The following RIGI variants were observed in gnomAD, a reference collection of about 807,000 sequenced individuals.
The protein encoded by RIGI is RNA sensor RIG-I, also known as antiviral innate immune response receptor RIG-I.
chr9:32,515,888 T>C, the RIGI span, among the ~76,000 whole-genome samples: 6 of 151,864 alleles, frequency 4.0e-5, 1 homozygote, highest in African/African-American at 1.5e-4. Context: ...CCCACATATG[T>C]GGCACTCTTT....
At chr9:32,461,406 G>A in the RIGI span, among the ~76,000 whole-genome samples, 25 of 152,278 alleles carry the variant, frequency 1.6e-4, no homozygotes, top group African/African-American at 4.1e-4. Flanking sequence ...GATTCTGTCC[G>A]TCCCACTGGT....
At chr9:32,511,209 T>C in the RIGI span, among the ~76,000 whole-genome samples, 3 of 152,132 alleles carry the variant, frequency 2.0e-5, no homozygotes, top group Non-Finnish European at 4.4e-5. Flanking sequence ...TATTCAGGAC[T>C]TGAACTCAGC....
chr9:32,519,858 G>A, the RIGI span, among the ~76,000 whole-genome samples: 1 of 151,908 alleles, frequency 6.6e-6, no homozygotes, highest in East Asian at 1.9e-4. Flanking sequence ...ATCACTGATG[G>A]GCCTTCACAT....
the RIGI span, chr9:32,466,573 G>T: frequency 3.7e-6 from 3 of 805,894 alleles, no homozygotes; most frequent in Non-Finnish European, 3.8e-6. Flanking sequence ...CAGGAAAGTT[G>T]AGCTGTTAAA....
chr9:32,509,014 G>T, the RIGI span, among the ~76,000 whole-genome samples: 1 of 152,132 alleles, frequency 6.6e-6, no homozygotes, highest in African/African-American at 2.4e-5. Context: ...CCCTACTGCA[G>T]CTTGGCAAAG....
At chr9:32,526,045 C>T in the RIGI span, 1 of 1,594,694 alleles carries the variant, frequency 6.3e-7, no homozygotes, top group Non-Finnish European at 8.6e-7. Flanking sequence ...GAGAAGGCGC[C>T]GCTGGAGACA....
chr9:32,504,688 CAT>C, the RIGI span, among the ~76,000 whole-genome samples: 62 of 125,910 alleles, frequency 4.9e-4, no homozygotes, highest in East Asian at 4.4e-3. Flanking sequence ...GTCTCAAAAA[CAT>C]ATATATATAT....
chr9:32,493,117 C>G, the RIGI span, among the ~76,000 whole-genome samples: 1 of 152,194 alleles, frequency 6.6e-6, no homozygotes, highest in Non-Finnish European at 1.5e-5. Flanking sequence ...TGCCCAAGAT[C>G]ATACCGCTAG....
chr9:32,485,029 G>C, the RIGI span: 1 of 561,932 alleles, frequency 1.8e-6, no homozygotes, highest in Non-Finnish European at 3.1e-6. Context: ...GACATATAAG[G>C]CTCCTAAATA....
At chr9:32,464,009 C>G in the RIGI span, among the ~76,000 whole-genome samples, 1 of 151,322 alleles carries the variant, frequency 6.6e-6, no homozygotes, top group Non-Finnish European at 1.5e-5. Context: ...TCTGGGCTGT[C>G]TACATGTTAA....
chr9:32,512,518 GC>G, the RIGI span, among the ~76,000 whole-genome samples: 1 of 152,058 alleles, frequency 6.6e-6, no homozygotes, highest in Admixed American at 6.6e-5. Context: ...AAATTCAACA[GC>G]CCTTCATGCT....
the RIGI span, among the ~76,000 whole-genome samples, chr9:32,516,777 G>C: frequency 6.6e-6 from 1 of 152,310 alleles, no homozygotes; most frequent in African/African-American, 2.4e-5. Context: ...GGCCAAGTTA[G>C]TGTCTTTTTT....
the RIGI span, among the ~76,000 whole-genome samples, chr9:32,472,376 T>C: frequency 6.6e-6 from 1 of 152,158 alleles, no homozygotes; most frequent in Non-Finnish European, 1.5e-5. Flanking sequence ...CCTGGAGTGG[T>C]TTTTGGCATT....
the RIGI span, chr9:32,457,223 C>T: frequency 6.2e-7 from 1 of 1,613,984 alleles, no homozygotes; most frequent in African/African-American, 1.3e-5. Context: ...TCCTCCACCA[C>T]AAAACTTTCA....
chr9:32,523,888 T>G, the RIGI span, among the ~76,000 whole-genome samples: 2 of 151,818 alleles, frequency 1.3e-5, no homozygotes, highest in Non-Finnish European at 2.9e-5. Context: ...CTCTCTGAAC[T>G]CCTGCCTCTC....
chr9:32,489,489 T>C, the RIGI span: 1 of 1,363,908 alleles, frequency 7.3e-7, no homozygotes, highest in Non-Finnish European at 1.0e-6. Flanking sequence ...AAACAGTTCC[T>C]GCTCTGAGGA....
chr9:32,488,117 G>A, the RIGI span: 1 of 1,614,132 alleles, frequency 6.2e-7, no homozygotes, highest in Non-Finnish European at 8.5e-7. Flanking sequence ...AATCTGTGGA[G>A]TTAAAATGAT....
the RIGI span, among the ~76,000 whole-genome samples, chr9:32,501,325 CA>C: frequency 1.3e-3 from 156 of 121,844 alleles, no homozygotes; most frequent in African/African-American, 4.2e-3. Flanking sequence ...CCAGCCTCTA[CA>C]AAAAAAAAAA....
chr9:32,510,523 C>T, the RIGI span, among the ~76,000 whole-genome samples: 7 of 152,138 alleles, frequency 4.6e-5, no homozygotes, highest in African/African-American at 1.7e-4. Flanking sequence ...AAATCCTTTA[C>T]AGACAAGCAA....
Sources: gnomAD v4.1 joint callset for allele counts (sites outside exome capture counted in the v4.1 genomes callset) on GRCh38, gnomAD v4.1.1 for gene constraint, MANE v1.5 for transcripts, NCBI Gene and HGNC (gene_info 2026-07-23, HGNC 2026-07-21) for gene names.